The following PPP1R1C variants were observed in gnomAD, a reference collection of about 807,000 sequenced individuals.
PPP1R1C encodes protein phosphatase 1 regulatory inhibitor subunit 1C, also known as protein phosphatase 1 regulatory subunit 1C.
In PPP1R1C, 15 loss-of-function variants were observed where a neutral mutation model predicts 17.4. That is an observed-to-expected ratio of 0.86 (90% CI 0.58 to 1.33). PPP1R1C has a LOEUF of 1.33. Ranked by LOEUF, PPP1R1C falls within the 40% of genes most tolerant of loss-of-function variation. PPP1R1C has a pLI of 0.00. For missense variants in PPP1R1C, 143 were observed against 130.0 expected, an observed-to-expected ratio of 1.10 and a Z score of -0.48; for synonymous variants, 35 against 43.1, an observed-to-expected ratio of 0.81 and a Z score of 0.73.
At chr2:182,069,940 G>A (rs576386497) in intron 4 of PPP1R1C, among the ~76,000 whole-genome samples, 16 of 152,274 alleles carry the variant, frequency 1.1e-4, no homozygotes, top group African/African-American at 3.9e-4. Flanking sequence ...AATCACATAT[G>A]AGCCTTTGCC....
downstream of PPP1R1C, among the ~76,000 whole-genome samples, chr2:182,121,381 TAGAA>T (rs1192712066): frequency 2.6e-5 from 4 of 152,126 alleles, no homozygotes; most frequent in African/African-American, 9.7e-5. Context: ...TTATTAGAGT[TAGAA>T]AGGACCTCAG....
At chr2:182,041,747 G>T (rs1265643984) in intron 2 of PPP1R1C, among the ~76,000 whole-genome samples, 1 of 151,928 alleles carries the variant, frequency 6.6e-6, no homozygotes, top group African/African-American at 2.4e-5. Context: ...AGACCAAAGG[G>T]GTCATATAAC....
chr2:182,080,525 C>G (rs1688443907), intron 4 of PPP1R1C, among the ~76,000 whole-genome samples: 1 of 152,146 alleles, frequency 6.6e-6, no homozygotes, highest in South Asian at 2.1e-4. Context: ...AGATAAAAAG[C>G]AGAGTAATAC....
rs547657493 is a variant in PPP1R1C, at chr2:182,001,943, G to A, written c.142+14044G>A. Among the ~76,000 whole-genome samples, 25 of 152,128 alleles carry A rather than the reference G, an allele frequency of 1.6e-4. No individual in the cohort carries two copies. The South Asian group carries it at 3.3e-3, about 20-fold the overall frequency. ...TACTGAATTATTTGCAGTCATATAC[G>A]TATAGCTTCACATTACAACATTCCA... On this transcript the variant is annotated intron_variant, in intron 2 of 4. Transcript: ENST00000682840.
intron 4 of PPP1R1C, among the ~76,000 whole-genome samples, chr2:182,098,137 G>A (rs1688997329): frequency 1.3e-5 from 2 of 151,656 alleles, no homozygotes; most frequent in South Asian, 4.2e-4. Context: ...CCCAACCCCT[G>A]GCCTCTACCA....
At chr2:182,080,589 G>T (rs1409995511) in intron 4 of PPP1R1C, among the ~76,000 whole-genome samples, 2 of 152,032 alleles carry the variant, frequency 1.3e-5, no homozygotes, top group Admixed American at 1.3e-4. Context: ...GATAGAAACA[G>T]AACTATATTT....
intron 2 of PPP1R1C, among the ~76,000 whole-genome samples, chr2:182,025,368 C>G (rs1478600443): frequency 5.0e-5 from 7 of 139,610 alleles, no homozygotes; most frequent in Non-Finnish European, 1.1e-4. Context: ...CTCCCCCAAC[C>G]CCACCACAGT....
chr2:182,112,735 C>T, intron 4 of PPP1R1C, among the ~76,000 whole-genome samples: 1 of 152,076 alleles, frequency 6.6e-6, no homozygotes, highest in East Asian at 1.9e-4. Context: ...CTGCTGAAAA[C>T]TATTGACCTC....
chr2:182,106,691 A>C (rs1235699056), intron 4 of PPP1R1C, among the ~76,000 whole-genome samples: 1 of 152,204 alleles, frequency 6.6e-6, no homozygotes, highest in African/African-American at 2.4e-5. Context: ...GCCATAAGGC[A>C]TGGGGCCTAA....
intron 2 of PPP1R1C, among the ~76,000 whole-genome samples, chr2:182,041,978 T>A (rs547854242): frequency 7.8e-4 from 119 of 152,322 alleles, no homozygotes; most frequent in Admixed American, 3.9e-3. Context: ...TTTCCAACTA[T>A]TTTTTGAACT....
intron 4 of PPP1R1C, among the ~76,000 whole-genome samples, chr2:182,065,324 G>A (rs746749534): frequency 6.6e-6 from 1 of 152,004 alleles, no homozygotes; most frequent in African/African-American, 2.4e-5. Context: ...AAAAGAGAAA[G>A]CTAAATGCAA....
chr2:182,029,182 T>A (rs1348511201), intron 2 of PPP1R1C, among the ~76,000 whole-genome samples: 1 of 148,840 alleles, frequency 6.7e-6, no homozygotes, highest in African/African-American at 2.5e-5. Context: ...CCAGTCTGTG[T>A]CTTTTAATTG....
intron 4 of PPP1R1C, among the ~76,000 whole-genome samples, chr2:182,080,032 A>G (rs962430266): frequency 6.6e-6 from 1 of 152,226 alleles, no homozygotes; most frequent in African/African-American, 2.4e-5. Context: ...CCAAGTGGAC[A>G]TGAATTTTTG....
chr2:182,096,961 GGTGACAAA>G (rs1244150341), intron 4 of PPP1R1C, among the ~76,000 whole-genome samples: 1 of 152,126 alleles, frequency 6.6e-6, no homozygotes, highest in African/African-American at 2.4e-5. Flanking sequence ...GTCAGAATCA[GGTGACAAA>G]GACTGCACAC....
chr2:182,063,285 G>C (rs1196160), intron 3 of PPP1R1C, among the ~76,000 whole-genome samples: 1 of 151,668 alleles, frequency 6.6e-6, no homozygotes, highest in Non-Finnish European at 1.5e-5. Flanking sequence ...AAAGATTGCT[G>C]TTACTTTCCA....
intron 4 of PPP1R1C, among the ~76,000 whole-genome samples, chr2:182,079,548 G>C (rs970167788): frequency 6.6e-6 from 1 of 152,230 alleles, no homozygotes; most frequent in Non-Finnish European, 1.5e-5. Context: ...CCTTGAGAGA[G>C]TGGGTTGGAT....
chr2:182,049,983 T>C (rs1687462785), intron 2 of PPP1R1C, among the ~76,000 whole-genome samples: 1 of 152,228 alleles, frequency 6.6e-6, no homozygotes, highest in Non-Finnish European at 1.5e-5. Flanking sequence ...TCTCCTGTAG[T>C]GGGGCTCTGC....
intron 2 of PPP1R1C, among the ~76,000 whole-genome samples, chr2:182,040,319 T>G (rs537831977): frequency 6.6e-6 from 1 of 152,278 alleles, no homozygotes; most frequent in South Asian, 2.1e-4. Flanking sequence ...ACATTTATTG[T>G]TTTTTGACTT....
Position 182,117,454 on chromosome 2 carries a change from G to A in PPP1R1C, c.*159G>A. The A allele has an allele frequency of 3.6e-6, 2 of 550,826 alleles. No individual in the cohort carries two copies. Among genetic ancestry groups the A allele is most frequent in the Admixed American group, 7.3e-5 (2 of 27,242 alleles). 34.1% of individuals were successfully genotyped at this position (550,826 alleles called of 1,614,324 possible). A position where few individuals can be genotyped will look rare whatever the true frequency, so the allele number is the denominator to read the frequency against. On this transcript the variant is annotated 3_prime_UTR_variant, in exon 5 of 5. Coordinates refer to ENST00000682840, the MANE Select transcript of PPP1R1C (RefSeq NM_001080545.3). ...GCACATCCTGGAAGTCTCCTTGACT[G>A]AACTTTAGAACTAAGTACACATTGT...
Sources: allele counts gnomAD v4.1 joint callset (sites outside exome capture counted in the v4.1 genomes callset), GRCh38; gene constraint gnomAD v4.1.1; transcripts MANE v1.5; gene names NCBI Gene and HGNC (gene_info 2026-07-23, HGNC 2026-07-21).